RTKN2: variants seen among roughly 807,000 people sequenced by gnomAD.
RTKN2 encodes rhotekin 2, also known as rhotekin-2.
A neutral mutation model predicts 71.5 loss-of-function variants in RTKN2; 69 were observed. The ratio of observed to expected loss-of-function variants is 0.96; its 90% CI spans 0.79 to 1.18. The LOEUF is 1.18. RTKN2 is among the 50% of genes most tolerant of loss of function. The pLI is 0.00. For missense variants in RTKN2, 724 were observed against 719.7 expected, an observed-to-expected ratio of 1.01 and a Z score of -0.07; for synonymous variants, 236 against 236.5, an observed-to-expected ratio of 1.00 and a Z score of 0.02.
At chr10:62,217,890 G>A (rs903053039) in intron 8 of RTKN2, among the ~76,000 whole-genome samples, 5 of 151,418 alleles carry the variant, frequency 3.3e-5, no homozygotes, top group African/African-American at 1.2e-4. Context: ...GAAAGGTGTT[G>A]AGCAGCCCTC....
intron 2 of RTKN2, among the ~76,000 whole-genome samples, chr10:62,252,727 G>A (rs1290231191): frequency 1.3e-5 from 2 of 151,922 alleles, no homozygotes; most frequent in African/African-American, 4.8e-5. Flanking sequence ...GCCTGAGTTA[G>A]GCCATTCTTG....
In RTKN2 at chr10:62,198,170, T is replaced by A; in HGVS notation, c.1568A>T (p.Asp523Val). 1 of 1,614,074 alleles carries A rather than the reference T, an allele frequency of 6.2e-7. No individual in the cohort carries two copies. Residue 523 changes from aspartate to valine, a missense_variant, in exon 12 of 12, where the codon GAT becomes GTT. Transcript: ENST00000373789. ...TCCCCAGTTGTCCTTAACCAATTGA[T>A]CTGTGTTACTCTGTGATTTTAAGCT... ...PFSLKSQSNT[D>V]QLVKDNWGKT...
At chr10:62,215,835 T>C (rs1386768250) in intron 9 of RTKN2, among the ~76,000 whole-genome samples, 1 of 151,890 alleles carries the variant, frequency 6.6e-6, no homozygotes, top group Non-Finnish European at 1.5e-5. Flanking sequence ...CAACACTGCA[T>C]AAACCAAACA....
chr10:62,209,276 A>C (rs1841610863), intron 9 of RTKN2, among the ~76,000 whole-genome samples: 1 of 152,146 alleles, frequency 6.6e-6, no homozygotes, highest in African/African-American at 2.4e-5. Context: ...CTCAAAAAAA[A>C]AGAAGAAGAA....
chr10:62,253,238 T>A (rs1245816685), intron 2 of RTKN2, among the ~76,000 whole-genome samples: 2 of 152,086 alleles, frequency 1.3e-5, no homozygotes, highest in Non-Finnish European at 1.5e-5. Flanking sequence ...TTCAAAAACA[T>A]TACCTGAGAC....
chr10:62,248,155 C>T (rs927535538), intron 2 of RTKN2, among the ~76,000 whole-genome samples: 1 of 152,064 alleles, frequency 6.6e-6, no homozygotes, highest in African/African-American at 2.4e-5. Context: ...ATTTCCAGGA[C>T]TGGTAAGCAA....
rs1841337883 is a variant in RTKN2, at chr10:62,196,652, A to G, written c.*1256T>C. On this transcript the variant is annotated 3_prime_UTR_variant, in exon 12 of 12. Coordinates refer to ENST00000373789, the MANE Select transcript of RTKN2 (RefSeq NM_145307.4). Reference sequence around the variant, plus strand: ...AGATTATACACAGGGCAGCAATTTAATTCTTAAATTTTTATTTCTTGCAAT... The same window carrying G: ...AGATTATACACAGGGCAGCAATTTAGTTCTTAAATTTTTATTTCTTGCAAT... 1 of 985,078 alleles carries G rather than the reference A, an allele frequency of 1.0e-6. No individual in the cohort carries two copies. The highest frequency in any genetic ancestry group is 1.2e-6 in the Non-Finnish European group (1 of 829,630). The allele number at this position is 985,078 out of a possible 1,614,324, so 61.0% of individuals were successfully genotyped here.
At chr10:62,249,463 G>A (rs1013068926) in intron 2 of RTKN2, among the ~76,000 whole-genome samples, 1 of 150,218 alleles carries the variant, frequency 6.7e-6, no homozygotes, top group Admixed American at 6.7e-5. Flanking sequence ...TTTTTTGTGC[G>A]TGGGGGTGGG....
At chr10:62,209,451 C>CATT (rs1292293833) in intron 9 of RTKN2, among the ~76,000 whole-genome samples, 15 of 151,658 alleles carry the variant, frequency 9.9e-5, no homozygotes, top group Middle Eastern at 3.4e-3. Flanking sequence ...CCAACATATT[C>CATT]ATTATTATTA....
chr10:62,185,135 CT>C (rs1407228926), intron 8 of RTKN2, among the ~76,000 whole-genome samples: 1 of 152,058 alleles, frequency 6.6e-6, no homozygotes, highest in Non-Finnish European at 1.5e-5. Context: ...TGACTCTCCT[CT>C]CATGACAGCT....
At chr10:62,235,935 A>T in intron 6 of RTKN2, 131 bp downstream of exon 6, 1 of 685,034 alleles carries the variant, frequency 1.5e-6, no homozygotes, top group Non-Finnish European at 2.4e-6. Flanking sequence ...AGTAAATGTC[A>T]AACAACTAAG....
intron 2 of RTKN2, among the ~76,000 whole-genome samples, chr10:62,254,425 T>C (rs905905348): frequency 1.3e-5 from 2 of 152,198 alleles, no homozygotes; most frequent in Admixed American, 1.3e-4. Context: ...GCTTCCTGTA[T>C]AGCATGCAGA....
intron 6 of RTKN2, among the ~76,000 whole-genome samples, chr10:62,234,246 G>GGGT (rs1489612788): frequency 6.6e-6 from 1 of 152,056 alleles, no homozygotes; most frequent in East Asian, 1.9e-4. Context: ...ATTCAAGGCT[G>GGGT]GGTGTGGTGG....
chr10:62,268,754 G>C lies in RTKN2; in HGVS notation c.-144C>G. 2 of 824,750 alleles carry C rather than the reference G, an allele frequency of 2.4e-6. No homozygotes were observed. The highest frequency in any genetic ancestry group is 3.7e-6 in the Non-Finnish European group (2 of 538,624). The allele number at this position is 824,750 out of a possible 1,614,324, so 51.1% of individuals were successfully genotyped here. ...GGGGCCGGGGGCGCAGGAGGAGCCG[G>C]GCCGAAGCGCACGCGCAGTGGGCGC... On this transcript the variant is annotated 5_prime_UTR_variant, in exon 1 of 12. Transcript: ENST00000373789.
At chr10:62,216,550 T>G (rs559211052) in intron 9 of RTKN2, among the ~76,000 whole-genome samples, 6 of 152,176 alleles carry the variant, frequency 3.9e-5, no homozygotes, top group Middle Eastern at 3.4e-3. Context: ...TGTAGCTAGA[T>G]TTCAATAGTC....
chr10:62,259,160 CA>C (rs1260395093), intron 2 of RTKN2: 7 of 451,790 alleles, frequency 1.5e-5, no homozygotes, highest in Non-Finnish European at 3.1e-5. Flanking sequence ...TTCCCCTGCA[CA>C]TGATCTCTTG....
At chr10:62,252,424 T>C (rs1385290795) in intron 2 of RTKN2, among the ~76,000 whole-genome samples, 1 of 152,104 alleles carries the variant, frequency 6.6e-6, no homozygotes, top group Admixed American at 6.5e-5. Context: ...CGTACTCATG[T>C]GGAAGAATCT....
downstream of RTKN2, among the ~76,000 whole-genome samples, chr10:62,188,245 A>G (rs1414148922): frequency 1.3e-5 from 2 of 152,158 alleles, no homozygotes; most frequent in Admixed American, 1.3e-4. Context: ...AAGGTGTCTC[A>G]CTAGTAAGTT....
chr10:62,267,509 A>C (rs928194792), intron 1 of RTKN2, among the ~76,000 whole-genome samples: 3 of 152,238 alleles, frequency 2.0e-5, no homozygotes, highest in Non-Finnish European at 4.4e-5. Context: ...AAAATCTTTG[A>C]AATTTTTGAA....
Sources: allele counts gnomAD v4.1 joint callset (sites outside exome capture counted in the v4.1 genomes callset), GRCh38; gene constraint gnomAD v4.1.1; transcripts MANE v1.5; gene names NCBI Gene and HGNC (gene_info 2026-07-23, HGNC 2026-07-21).